The following MMD2 variants were observed in gnomAD, a reference collection of about 807,000 sequenced individuals.
The protein encoded by MMD2 is monocyte to macrophage differentiation factor 2.
MMD2 carries 30 observed loss-of-function variants against 33.5 expected under a neutral mutation model. The ratio of observed to expected loss-of-function variants is 0.90; its 90% CI spans 0.67 to 1.22. The LOEUF is 1.22. Ranked by LOEUF, MMD2 falls within the 50% of genes most tolerant of loss-of-function variation. The pLI is 0.00. For missense variants in MMD2, 364 were observed against 325.4 expected (o/e 1.12, Z -0.91); for synonymous variants, 129 against 123.0 (o/e 1.05, Z -0.32).
chr7:4,945,899 G>C (rs1169965480), intron 1 of MMD2, among the ~76,000 whole-genome samples: 2 of 152,188 alleles, frequency 1.3e-5, no homozygotes, highest in Non-Finnish European at 2.9e-5. Context: ...CTCCAGGACA[G>C]AGGAGTGAAA....
At position 4,907,349 on chromosome 7, in the gene MMD2, C is replaced by A. The variant is rs369406144; in HGVS notation, c.*47G>T. On this transcript the variant is annotated 3_prime_UTR_variant, in exon 7 of 7. Coordinates refer to ENST00000401401, the MANE Select transcript of MMD2 (RefSeq NM_198403.4). ...TGCTCTGGGTTAACGTTCACAGAAACGTGCTCCACTCCTAAAGCCCAAACG... is the reference window on the plus strand; with the variant it reads ...TGCTCTGGGTTAACGTTCACAGAAAAGTGCTCCACTCCTAAAGCCCAAACG... 6.3e-7 allele frequency: 1 copy of A among 1,584,730 alleles called. No individual in the cohort carries two copies.
rs1475758098 is a variant in MMD2, at chr7:4,925,950, C to T, written c.48-418G>A. 2.6e-5 allele frequency among the ~76,000 whole-genome samples: 4 copies of T among 151,668 alleles called. No homozygotes were observed. The East Asian group carries it at 5.8e-4, about 22-fold the overall frequency. ...TGCCTCAGCCTCCTGAGTAGCTGGG[C>T]GTGTGCCACCACGCCAGGCTAATTC... On this transcript the variant is annotated intron_variant, in intron 1 of 6. Transcript: ENST00000401401.
At chr7:4,903,554 G>T (rs1184212237), downstream of MMD2, among the ~76,000 whole-genome samples, 1 of 152,202 alleles carries the variant, frequency 6.6e-6, no homozygotes, top group Non-Finnish European at 1.5e-5. Flanking sequence ...TCCCTGGCCG[G>T]GAGGCTGTCG....
intron 2 of MMD2, among the ~76,000 whole-genome samples, chr7:4,924,179 G>A (rs1046617204): frequency 6.6e-5 from 10 of 151,778 alleles, no homozygotes; most frequent in East Asian, 1.9e-4. Flanking sequence ...GGAACAGAGC[G>A]AGACTTCGTC....
At chr7:4,926,802 T>A (rs1785440582) in intron 1 of MMD2, among the ~76,000 whole-genome samples, 3 of 152,020 alleles carry the variant, frequency 2.0e-5, no homozygotes, top group Non-Finnish European at 4.4e-5. Flanking sequence ...TGGAGTGCAG[T>A]GGTGCGATCT....
chr7:4,900,480 C>G, the MMD2 span, among the ~76,000 whole-genome samples: 1 of 152,106 alleles, frequency 6.6e-6, no homozygotes, highest in African/African-American at 2.4e-5. Flanking sequence ...CTGTAGCATT[C>G]ACCCATCACC....
intron 3 of MMD2, among the ~76,000 whole-genome samples, chr7:4,918,844 T>A (rs544896058): frequency 6.6e-6 from 1 of 151,974 alleles, no homozygotes; most frequent in South Asian, 2.1e-4. Context: ...ACACTTGTAA[T>A]CCCGGCACTT....
At chr7:4,900,544 C>CT in the MMD2 span, among the ~76,000 whole-genome samples, 10 of 152,126 alleles carry the variant, frequency 6.6e-5, no homozygotes. Flanking sequence ...CTTCTAATAA[C>CT]TTGCGAAGGC....
At chr7:4,920,403 C>G in intron 2 of MMD2, 72 bp from the exon 3 acceptor site, 1 of 1,509,340 alleles carries the variant, frequency 6.6e-7, no homozygotes, top group South Asian at 1.2e-5. Context: ...GCCCCTTCCC[C>G]GGCTGAGCTG....
intron 2 of MMD2, among the ~76,000 whole-genome samples, chr7:4,923,982 G>A (rs1387233872): frequency 1.3e-5 from 2 of 152,074 alleles, no homozygotes; most frequent in Non-Finnish European, 2.9e-5. Context: ...CACGAGGTCA[G>A]GAGATCGAGA....
At chr7:4,893,237 A>G in the MMD2 span, among the ~76,000 whole-genome samples, 1 of 152,060 alleles carries the variant, frequency 6.6e-6, no homozygotes, top group Admixed American at 6.6e-5. Flanking sequence ...CCCGTCCAAG[A>G]AAGAATTCAG....
chr7:4,945,776 T>C (rs1786058441), intron 1 of MMD2, among the ~76,000 whole-genome samples: 1 of 114,026 alleles, frequency 8.8e-6, no homozygotes, highest in Non-Finnish European at 1.9e-5. Context: ...GGATTCATCA[T>C]GTTGCCCAGG....
chr7:4,959,084 G>C lies in MMD2; in HGVS notation c.-67C>G. 8.4e-7 allele frequency: 1 copy of C among 1,196,910 alleles called. No individual in the cohort carries two copies. The highest frequency in any genetic ancestry group is 1.1e-6 in the Non-Finnish European group (1 of 946,124). The allele number at this position is 1,196,910 out of a possible 1,614,324, so 74.1% of individuals were successfully genotyped here. A position where few individuals can be genotyped will look rare whatever the true frequency, so the allele number is the denominator to read the frequency against. ...GGGTAGCTGGCAGAGCCTGGGGGGC[G>C]CGGCGGCGGCAGCAGCAGGTTGGAG... On this transcript the variant is annotated 5_prime_UTR_variant, in exon 1 of 7. Transcript: ENST00000401401.
At chr7:4,924,603 T>C (rs111388698) in intron 2 of MMD2, among the ~76,000 whole-genome samples, 2,981 of 152,234 alleles carry the variant, frequency 0.02, 100 homozygotes, top group African/African-American at 0.068. Context: ...AAGGCTACAA[T>C]GGCTGGGGAG....
At chr7:4,916,344 G>A (rs112027507) in intron 3 of MMD2, among the ~76,000 whole-genome samples, 26 of 148,398 alleles carry the variant, frequency 1.8e-4, no homozygotes, top group African/African-American at 6.4e-4. Context: ...CGCCCCTACA[G>A]GTAAGGATTG....
intron 1 of MMD2, among the ~76,000 whole-genome samples, chr7:4,957,210 C>T (rs1355814262): frequency 1.3e-5 from 2 of 150,854 alleles, no homozygotes; most frequent in East Asian, 2.0e-4. Flanking sequence ...TGGGTATTGT[C>T]GTGGTCCATA....
At chr7:4,953,283 G>A (rs1018155935) in intron 1 of MMD2, among the ~76,000 whole-genome samples, 1 of 151,604 alleles carries the variant, frequency 6.6e-6, no homozygotes, top group African/African-American at 2.4e-5. Context: ...AGCACCGCCT[G>A]GCTACTTCCA....
In MMD2 at chr7:4,911,603, A is replaced by AT. The variant is rs1462823440; in HGVS notation, c.366-358dup. Among the ~76,000 whole-genome samples, 5 of 144,982 alleles carry AT rather than the reference A, an allele frequency of 3.4e-5. No homozygotes were observed. In the South Asian group the frequency reaches 8.8e-4, roughly 25 times the overall value. ...AACCAAAGCAATGCTGTTTTGTTTT[A>AT]TTTATTTTATTTTATTTCATTTATT... is the stretch of plus-strand genomic sequence containing the variant. On this transcript the variant is annotated intron_variant, in intron 4 of 6. Coordinates refer to ENST00000401401, the MANE Select transcript of MMD2 (RefSeq NM_198403.4).
In MMD2 at chr7:4,906,185, C is replaced by T. The variant is rs1453179209; in HGVS notation, c.*1211G>A. 2 of 291,082 alleles carry T rather than the reference C, an allele frequency of 6.9e-6. No homozygotes were observed. Among genetic ancestry groups the T allele is most frequent in the East Asian group, 1.1e-4 (2 of 18,056 alleles). 18.0% of individuals were successfully genotyped at this position (291,082 alleles called of 1,614,324 possible). A position where few individuals can be genotyped will look rare whatever the true frequency, so the allele number is the denominator to read the frequency against. On this transcript the variant is annotated 3_prime_UTR_variant, in exon 7 of 7. Transcript: ENST00000401401. ...TTCTTTATCCAGAGAATCTGAGATT[C>T]CAATTCAGATCCTGGAGCTGGGCCT... is the stretch of plus-strand genomic sequence containing the variant.
Sources: allele counts gnomAD v4.1 joint callset (sites outside exome capture counted in the v4.1 genomes callset), GRCh38; gene constraint gnomAD v4.1.1; transcripts MANE v1.5; gene names NCBI Gene and HGNC (gene_info 2026-07-23, HGNC 2026-07-21).